HOMER2: variants seen among roughly 807,000 people sequenced by gnomAD.
HOMER2 encodes homer protein homolog 2.
In HOMER2, 27 loss-of-function variants were observed where a neutral mutation model predicts 47.0. The observed-to-expected ratio is 0.57, with a 90% confidence interval of 0.42 to 0.79. The LOEUF is 0.79. Among genes scored for constraint, HOMER2 ranks in the 30% least tolerant of loss-of-function variants. HOMER2 has a pLI of 0.00. For synonymous variants in HOMER2, 161 were observed against 163.8 expected, an observed-to-expected ratio of 0.98 and a Z score of 0.13; for missense variants, 443 against 435.0, an observed-to-expected ratio of 1.02 and a Z score of -0.16.
In HOMER2 at chr15:82,923,944, G is replaced by A. The variant is rs76434789; in HGVS notation, c.5+28587C>T. 9.7e-3 allele frequency among the ~76,000 whole-genome samples: 1,477 copies of A among 152,278 alleles called. 8 individuals are homozygous for A. The highest frequency in any genetic ancestry group is 0.015 in the Non-Finnish European group (1,006 of 68,026). ...GGGTCATGACTACATCTTACGTGCC[G>A]TGTCTCAGCCAGAATTAAGACAGAG... On this transcript the variant is annotated intron_variant, in intron 1 of 8. Transcript: ENST00000450735.
intron 1 of HOMER2, among the ~76,000 whole-genome samples, chr15:82,959,826 C>T (rs943247220): frequency 5.9e-5 from 9 of 152,194 alleles, no homozygotes; most frequent in African/African-American, 2.2e-4. Context: ...ACACCCAGCT[C>T]ACTGGCTGGG....
chr15:82,938,368 C>T (rs1431263874), intron 1 of HOMER2, among the ~76,000 whole-genome samples: 2 of 152,008 alleles, frequency 1.3e-5, no homozygotes, highest in African/African-American at 2.4e-5. Context: ...AGCAAGACAC[C>T]GTCCCCCGCA....
intron 4 of HOMER2, among the ~76,000 whole-genome samples, chr15:82,860,605 C>T (rs1189337796): frequency 2.6e-5 from 4 of 152,106 alleles, no homozygotes; most frequent in South Asian, 4.2e-4. Context: ...AGCATACAAT[C>T]GATAAACATA....
chr15:82,892,385 A>G (rs1229690602), intron 2 of HOMER2, among the ~76,000 whole-genome samples: 1 of 152,242 alleles, frequency 6.6e-6, no homozygotes, highest in African/African-American at 2.4e-5. Context: ...GAAGATGCTC[A>G]TTATTTATAA....
At chr15:82,925,223 C>T (rs1788140913) in intron 1 of HOMER2, among the ~76,000 whole-genome samples, 1 of 152,178 alleles carries the variant, frequency 6.6e-6, no homozygotes, top group South Asian at 2.1e-4. Context: ...CTTCAGGTTC[C>T]AGCCCAAGGT....
upstream of HOMER2, among the ~76,000 whole-genome samples, chr15:82,954,734 T>C (rs1444517142): frequency 6.6e-6 from 1 of 152,122 alleles, no homozygotes; most frequent in Non-Finnish European, 1.5e-5. Context: ...TATAAAACAA[T>C]GTTTATCCTC....
In HOMER2 at chr15:82,869,437, T is replaced by A. The variant is rs113079235; in HGVS notation, c.295-5178A>T. 9.0e-3 allele frequency among the ~76,000 whole-genome samples: 1,351 copies of A among 150,172 alleles called. 30 individuals carry two copies. Among genetic ancestry groups the A allele is most frequent in the African/African-American group, 0.032 (1,297 of 40,536 alleles). On this transcript the variant is annotated intron_variant, in intron 3 of 8. Coordinates refer to ENST00000450735, the MANE Select transcript of HOMER2 (RefSeq NM_004839.4). ...AATACTTCCATGCAATTATATGATT[T>A]TCTACTAAACATCTTTTTTTTTTTT...
chr15:82,845,116 A>G (rs2051221000), downstream of HOMER2: 1 of 152,202 alleles, frequency 6.6e-6, no homozygotes, highest in South Asian at 2.1e-4. Flanking sequence ...AACATAGATC[A>G]CCACCACCAG....
intron 6 of HOMER2, 29 bp downstream of exon 6, chr15:82,854,615 T>G: frequency 1.3e-6 from 2 of 1,596,114 alleles, no homozygotes; most frequent in South Asian, 2.2e-5. Flanking sequence ...CCAGCTGGCC[T>G]CGGGGCTCAC....
At chr15:82,900,950 C>T (rs1243485601) in intron 1 of HOMER2, among the ~76,000 whole-genome samples, 1 of 152,226 alleles carries the variant, frequency 6.6e-6, no homozygotes, top group East Asian at 1.9e-4. Flanking sequence ...TTTTGGGTCA[C>T]ATTTACACCA....
chr15:82,851,359 A>G, intron 7 of HOMER2, 128 bp from the exon 8 acceptor site: 1 of 662,322 alleles, frequency 1.5e-6, no homozygotes, highest in South Asian at 1.8e-5. Context: ...AGACAGTGAT[A>G]GTGACCATGC....
At chr15:82,974,347 T>C (rs2030124382) in intron 1 of HOMER2, among the ~76,000 whole-genome samples, 1 of 150,208 alleles carries the variant, frequency 6.7e-6, no homozygotes, top group Non-Finnish European at 1.5e-5. Context: ...GAGGTTGCAG[T>C]GAGCCGAGAT....
At chr15:82,951,616 G>T (rs2054507846) in intron 1 of HOMER2, among the ~76,000 whole-genome samples, 1 of 152,248 alleles carries the variant, frequency 6.6e-6, no homozygotes, top group South Asian at 2.1e-4. Flanking sequence ...GGAACAGAGA[G>T]ATTTAGGAAT....
At chr15:82,940,660 T>A (rs1296928987) in intron 1 of HOMER2, among the ~76,000 whole-genome samples, 1 of 152,090 alleles carries the variant, frequency 6.6e-6, no homozygotes, top group Non-Finnish European at 1.5e-5. Context: ...GAGAATGGCG[T>A]GAACCTGAGA....
chr15:82,963,422 T>C (rs757735262), intron 1 of HOMER2, among the ~76,000 whole-genome samples: 5 of 152,120 alleles, frequency 3.3e-5, no homozygotes, highest in African/African-American at 4.8e-5. Context: ...TGGACCCTTG[T>C]GGAGTCCCCA....
At chr15:82,844,354 A>G (rs894819474), downstream of HOMER2, 16 of 152,248 alleles carry the variant, frequency 1.1e-4, no homozygotes, top group African/African-American at 3.6e-4. Flanking sequence ...TATGTCCTTG[A>G]CTACAACAGT....
In HOMER2 at chr15:82,941,404, C is replaced by A. The variant is rs570559370; in HGVS notation, c.5+11127G>T. On this transcript the variant is annotated intron_variant, in intron 1 of 8. Transcript: ENST00000450735. Reference sequence around the variant, plus strand: ...GCTGCGGTGAGCCAAGTTCACACCACTGCACTCTAGCCTGGGCGACAGAGT... The same window carrying A: ...GCTGCGGTGAGCCAAGTTCACACCAATGCACTCTAGCCTGGGCGACAGAGT... Among the ~76,000 whole-genome samples the A allele has an allele frequency of 4.3e-5, 6 of 138,778 alleles. No individual in the cohort carries two copies. The South Asian group carries it at 1.4e-3, about 33-fold the overall frequency. 91.0% of individuals were successfully genotyped at this position (138,778 alleles called of 152,430 possible).
Position 82,853,692 on chromosome 15 carries a change from T to TG in HOMER2, c.651+951dup, listed in dbSNP as rs569814206. Among the ~76,000 whole-genome samples, 431 of 152,236 alleles carry TG rather than the reference T, an allele frequency of 2.8e-3. 2 individuals are homozygous for TG. The highest frequency in any genetic ancestry group is 8.2e-3 in the Admixed American group (125 of 15,296). ...TAGCAGAGAAACCTCAAGACCTCAA[T>TG]GGGGGGTCTCTGGCCACCCCAAAAG... is the stretch of plus-strand genomic sequence containing the variant. On this transcript the variant is annotated intron_variant, in intron 6 of 8. Transcript: ENST00000450735.
intron 3 of HOMER2, among the ~76,000 whole-genome samples, chr15:82,872,319 G>A (rs915498816): frequency 6.6e-6 from 1 of 151,984 alleles, no homozygotes; most frequent in African/African-American, 2.4e-5. Context: ...TTCAGAAAAC[G>A]GCCTCACCAC....
Sources: gnomAD v4.1 joint callset for allele counts (sites outside exome capture counted in the v4.1 genomes callset) on GRCh38, gnomAD v4.1.1 for gene constraint, MANE v1.5 for transcripts, NCBI Gene and HGNC (gene_info 2026-07-23, HGNC 2026-07-21) for gene names.